The following DCLRE1C variants were observed in gnomAD, a reference collection of about 807,000 sequenced individuals.
DCLRE1C encodes protein artemis.
In DCLRE1C, 47 loss-of-function variants were observed where a neutral mutation model predicts 61.4. The ratio of observed to expected loss-of-function variants is 0.77; its 90% CI spans 0.61 to 0.98. DCLRE1C has a LOEUF of 0.98. Ranked by LOEUF, DCLRE1C falls within the 50% of genes least tolerant of loss-of-function variation. The pLI is 0.00. For missense variants in DCLRE1C, 858 were observed against 816.0 expected, an observed-to-expected ratio of 1.05 and a Z score of -0.63; for synonymous variants, 337 against 287.6, an observed-to-expected ratio of 1.17 and a Z score of -1.74.
intron 11 of DCLRE1C, among the ~76,000 whole-genome samples, chr10:14,925,008 G>A (rs1439466683): frequency 6.6e-6 from 1 of 151,798 alleles, no homozygotes; most frequent in Non-Finnish European, 1.5e-5. Flanking sequence ...AGAAACCCAA[G>A]AATTGCCAAT....
chr10:14,915,015 G>T (rs1419034219), intron 13 of DCLRE1C, among the ~76,000 whole-genome samples: 1 of 151,210 alleles, frequency 6.6e-6, no homozygotes, highest in Non-Finnish European at 1.5e-5. Context: ...ATAATCCCTG[G>T]GAAGTCCTCC....
chr10:14,942,922 C>T (rs1278500718), intron 3 of DCLRE1C, among the ~76,000 whole-genome samples: 2 of 152,096 alleles, frequency 1.3e-5, no homozygotes, highest in African/African-American at 2.4e-5. Flanking sequence ...GGCAGGAGTA[C>T]AAGACCAGCC....
chr10:14,948,901 C>T (rs774423028), intron 2 of DCLRE1C, 135 bp downstream of exon 2: 7 of 695,574 alleles, frequency 1.0e-5, no homozygotes, highest in Non-Finnish European at 1.8e-5. Flanking sequence ...GATATTGGTA[C>T]TGTCCTATTT....
rs751141051 is a variant in DCLRE1C at position 14,954,049 on chromosome 10, A to C, written c.-39T>G. ...CCAGAGTCCGGGACCCCAAAACCGC[A>C]GCTGAAGCCAAGGCCAGCCCTGACC... On this transcript the variant is annotated 5_prime_UTR_variant, in exon 1 of 14. Coordinates refer to ENST00000378278, the MANE Select transcript of DCLRE1C (RefSeq NM_001033855.3). The C allele has an allele frequency of 1.8e-5, 29 of 1,612,744 alleles. No individual in the cohort carries two copies. The highest frequency in any genetic ancestry group is 2.5e-5 in the Non-Finnish European group (29 of 1,179,770).
chr10:14,908,175 T>TTTTTTTA lies in DCLRE1C; in HGVS notation c.*232_*233insTAAAAAA, dbSNP rs1161912651. 3.4e-6 allele frequency: 1 copy of TTTTTTTA among 291,896 alleles called. No homozygotes were observed. Among genetic ancestry groups the TTTTTTTA allele is most frequent in the African/African-American group, 2.4e-5 (1 of 41,412 alleles). The allele number at this position is 291,896 out of a possible 1,614,324, so 18.1% of individuals were successfully genotyped here. A position where few individuals can be genotyped will look rare whatever the true frequency, so the allele number is the denominator to read the frequency against. ...CACCACCATGCCTGGCTTTTTTTTT[T>TTTTTTTA]TTTTTTTTTTTTGTAAGTAGAGACA... On this transcript the variant is annotated 3_prime_UTR_variant, in exon 14 of 14. Coordinates refer to ENST00000378278, the MANE Select transcript of DCLRE1C (RefSeq NM_001033855.3).
At chr10:14,944,506 A>T (rs1413946271) in intron 3 of DCLRE1C, among the ~76,000 whole-genome samples, 1 of 152,014 alleles carries the variant, frequency 6.6e-6, no homozygotes, top group Non-Finnish European at 1.5e-5. Context: ...CTCAAAAACA[A>T]AAAATAGAAA....
chr10:14,909,708 T>C (rs779360937), intron 13 of DCLRE1C, among the ~76,000 whole-genome samples: 15 of 152,286 alleles, frequency 9.8e-5, no homozygotes, highest in South Asian at 6.2e-4. Context: ...ACAGCTGATA[T>C]CTGTTCAGCC....
chr10:14,912,556 G>A (rs2131814656), intron 13 of DCLRE1C, among the ~76,000 whole-genome samples: 1 of 152,314 alleles, frequency 6.6e-6, no homozygotes, highest in Admixed American at 6.5e-5. Context: ...TAAATAAAAT[G>A]TTGTATGCCT....
At chr10:14,902,458 G>A (rs1316111874), downstream of DCLRE1C, 1 of 1,609,512 alleles carries the variant, frequency 6.2e-7, no homozygotes, top group East Asian at 2.2e-5. Context: ...CCAAAAAGAG[G>A]GTCAGAACAG....
chr10:14,918,629 T>TAAAA (rs57588352), intron 13 of DCLRE1C, among the ~76,000 whole-genome samples: 1 of 138,586 alleles, frequency 7.2e-6, no homozygotes, highest in African/African-American at 2.6e-5. Context: ...AGCTGTTTTT[T>TAAAA]AAAAAAAAAA....
At chr10:14,919,082 GT>G (rs1836674323) in intron 13 of DCLRE1C, among the ~76,000 whole-genome samples, 1 of 152,052 alleles carries the variant, frequency 6.6e-6, no homozygotes, top group South Asian at 2.1e-4. Context: ...ATTATCTCGT[GT>G]GTTTTGGTCA....
rs1045606468 is a variant in DCLRE1C, at chr10:14,905,566, G to A, written c.*2842C>T. On this transcript the variant is annotated 3_prime_UTR_variant, in exon 14 of 14. Transcript: ENST00000378278. Reference sequence around the variant, plus strand: ...GAACTTTTTAAAGTATTTAATCTTCGGCTTCAGGCAGACTTTTTAAAAAAC... The same window carrying A: ...GAACTTTTTAAAGTATTTAATCTTCAGCTTCAGGCAGACTTTTTAAAAAAC... 3.3e-5 allele frequency among the ~76,000 whole-genome samples: 5 copies of A among 152,108 alleles called. No individual in the cohort carries two copies. Among genetic ancestry groups the A allele is most frequent in the Admixed American group, 6.5e-5 (1 of 15,270 alleles).
chr10:14,928,340 A>G (rs534183634), intron 9 of DCLRE1C, among the ~76,000 whole-genome samples, 188 bp from the exon 10 acceptor site: 7 of 152,308 alleles, frequency 4.6e-5, no homozygotes, highest in African/African-American at 1.7e-4. Flanking sequence ...ATTGTGCAAA[A>G]CAACTGGGCT....
chr10:14,901,462 A>ATGGT (rs1834002734), downstream of DCLRE1C, among the ~76,000 whole-genome samples: 1 of 152,188 alleles, frequency 6.6e-6, no homozygotes, highest in African/African-American at 2.4e-5. Context: ...CAGCTGAGGA[A>ATGGT]TGGTTCTACA....
intron 1 of DCLRE1C, among the ~76,000 whole-genome samples, chr10:14,950,358 A>C (rs983366312): frequency 3.2e-5 from 4 of 123,112 alleles, no homozygotes; most frequent in Admixed American, 1.6e-4. Context: ...AATAATAACC[A>C]AAAAAAAAAA....
At position 14,906,454 on chromosome 10, in the gene DCLRE1C, A is replaced by G. The variant is rs1326684303; in HGVS notation, c.*1954T>C. On this transcript the variant is annotated 3_prime_UTR_variant, in exon 14 of 14. Coordinates refer to ENST00000378278, the MANE Select transcript of DCLRE1C (RefSeq NM_001033855.3). The stretch of plus-strand genomic sequence containing the variant: ...TATGTAATATTAATGTGATTATAAA[A>G]TAACAGGAATATATTCAGAGGAATG... Among the ~76,000 whole-genome samples the G allele has an allele frequency of 6.6e-6, 1 of 152,236 alleles. No individual in the cohort carries two copies. The highest frequency in any genetic ancestry group is 1.9e-4 in the East Asian group (1 of 5,204).
chr10:14,945,720 G>A (rs987541621), intron 2 of DCLRE1C, among the ~76,000 whole-genome samples: 17 of 131,728 alleles, frequency 1.3e-4, no homozygotes, highest in African/African-American at 4.1e-4. Flanking sequence ...GTGCAATGGT[G>A]TGATCTCGTC....
At chr10:14,936,622 A>C in intron 4 of DCLRE1C, 29 bp from the exon 5 acceptor site, 1 of 1,552,950 alleles carries the variant, frequency 6.4e-7, no homozygotes, top group Non-Finnish European at 8.9e-7. Flanking sequence ...AAAAATAGTA[A>C]TGGAAAGCAG....
intron 3 of DCLRE1C, among the ~76,000 whole-genome samples, chr10:14,940,887 C>T (rs1240225375): frequency 1.3e-5 from 2 of 152,062 alleles, no homozygotes; most frequent in African/African-American, 2.4e-5. Flanking sequence ...GGTTTTTCCC[C>T]ATTTATTATT....
Sources: allele counts gnomAD v4.1 joint callset (sites outside exome capture counted in the v4.1 genomes callset), GRCh38; gene constraint gnomAD v4.1.1; transcripts MANE v1.5; gene names NCBI Gene and HGNC (gene_info 2026-07-23, HGNC 2026-07-21).